Variants in RYR2 observed in about 807,000 individuals in gnomAD.
RYR2 encodes ryanodine receptor 2.
Under a neutral mutation model 601.1 loss-of-function variants are expected in RYR2, and 227 were observed. The ratio of observed to expected loss-of-function variants is 0.38; its 90% CI spans 0.34 to 0.42. RYR2 has a LOEUF of 0.42. RYR2 is among the 10% of genes least tolerant of loss of function. The probability of loss-of-function intolerance (pLI) is 1.00; values close to 1 mark genes in which losing one functional copy is unlikely to be tolerated. For synonymous variants in RYR2, 2,223 were observed against 2,175.1 expected, an observed-to-expected ratio of 1.02 and a Z score of -0.61; for missense variants, 4,646 against 6,156.5, an observed-to-expected ratio of 0.75 and a Z score of 8.21.
chr1:237,672,955 G>C (rs975257233), intron 58 of RYR2, among the ~76,000 whole-genome samples: 1 of 152,144 alleles, frequency 6.6e-6, no homozygotes, highest in Non-Finnish European at 1.5e-5. Flanking sequence ...TTGCATGTCT[G>C]TAGATGGCGC....
chr1:237,618,471 G>T (rs940799152), intron 38 of RYR2, among the ~76,000 whole-genome samples: 14 of 152,146 alleles, frequency 9.2e-5, no homozygotes, highest in African/African-American at 3.4e-4. Context: ...CAGAACTCAG[G>T]ACCCAAGGAA....
chr1:237,195,285 C>T (rs908758032), intron 1 of RYR2, among the ~76,000 whole-genome samples: 1 of 152,154 alleles, frequency 6.6e-6, no homozygotes, highest in African/African-American at 2.4e-5. Flanking sequence ...TAACCAGTCG[C>T]TCGTGTTGCC....
intron 10 of RYR2, among the ~76,000 whole-genome samples, chr1:237,410,821 G>C (rs1261448887): frequency 1.3e-5 from 2 of 152,118 alleles, no homozygotes; most frequent in Admixed American, 1.3e-4. Context: ...CAAAGCAGGT[G>C]ACTTCAGAAG....
At chr1:237,681,906 C>T (rs1415551889) in intron 62 of RYR2, among the ~76,000 whole-genome samples, 3 of 152,202 alleles carry the variant, frequency 2.0e-5, no homozygotes, top group African/African-American at 4.8e-5. Flanking sequence ...GTTGAAGTCT[C>T]CTACTCCTCC....
chr1:237,546,989 ATATATATT>A (rs1311413259), intron 25 of RYR2, among the ~76,000 whole-genome samples: 1 of 132,938 alleles, frequency 7.5e-6, no homozygotes, highest in Non-Finnish European at 1.6e-5. Context: ...ATATATATAT[ATATATATT>A]TATTTATTTA....
Position 237,505,776 on chromosome 1 carries a change from C to T in RYR2, c.2614-934C>T, listed in dbSNP as rs190648993. 1.9e-3 allele frequency among the ~76,000 whole-genome samples: 288 copies of T among 152,246 alleles called. 3 individuals carry two copies. The highest frequency in any genetic ancestry group is 6.6e-3 in the African/African-American group (275 of 41,562). On this transcript the variant is annotated intron_variant, in intron 22 of 104. Transcript: ENST00000366574. ...GGTCATTTGCCCACTCTATGTGTTG[C>T]GAGACTAGCTGTGGGGTCACACAGA...
chr1:237,832,160 C>G (rs1663870669), intron 104 of RYR2, among the ~76,000 whole-genome samples: 1 of 151,898 alleles, frequency 6.6e-6, no homozygotes, highest in Non-Finnish European at 1.5e-5. Flanking sequence ...TGTTTCAGCC[C>G]CACAAGTACC....
In RYR2 at chr1:237,517,718, C is replaced by T. The variant is rs566178864; in HGVS notation, c.2822+5927C>T. On this transcript the variant is annotated intron_variant, in intron 24 of 104. Transcript: ENST00000366574. ...GAAAGATACAGAGACTTTTCTTATG[C>T]CCCCTGTTTCCACAGGCAACTGCCC... Among the ~76,000 whole-genome samples, 18 of 152,206 alleles carry T rather than the reference C, an allele frequency of 1.2e-4. No individual in the cohort carries two copies. In the South Asian group the frequency reaches 3.5e-3, roughly 30 times the overall value.
intron 5 of RYR2, among the ~76,000 whole-genome samples, chr1:237,367,069 A>T (rs1211731134): frequency 6.6e-6 from 1 of 151,256 alleles, no homozygotes. Context: ...GAAAAAAGTG[A>T]CTGTTTTGTT....
chr1:237,272,635 G>A (rs1258685894), intron 2 of RYR2, among the ~76,000 whole-genome samples: 3 of 148,946 alleles, frequency 2.0e-5, no homozygotes, highest in Non-Finnish European at 3.0e-5. Flanking sequence ...TGTATATATT[G>A]TTTTATATAT....
intron 2 of RYR2, among the ~76,000 whole-genome samples, chr1:237,286,143 A>T (rs1277066273): frequency 6.6e-6 from 1 of 151,858 alleles, no homozygotes; most frequent in East Asian, 1.9e-4. Flanking sequence ...AATATTTTTG[A>T]TATAGACATT....
chr1:237,654,508 T>G, intron 52 of RYR2, 94 bp downstream of exon 52: 1 of 1,285,468 alleles, frequency 7.8e-7, no homozygotes, highest in Non-Finnish European at 1.1e-6. Flanking sequence ...AATACTATCT[T>G]TGCTAACCAA....
rs537490651 is a variant in RYR2 at position 237,763,571 on chromosome 1, A to G, written c.11476+2543A>G. Among the ~76,000 whole-genome samples, 4 of 152,360 alleles carry G rather than the reference A, an allele frequency of 2.6e-5. No individual in the cohort carries two copies. The South Asian group carries it at 6.2e-4, about 24-fold the overall frequency. On this transcript the variant is annotated intron_variant, in intron 84 of 104. Coordinates refer to ENST00000366574, the MANE Select transcript of RYR2 (RefSeq NM_001035.3). ...AACTATTTGCTCCTCAAACTAATAT[A>G]CTAGCAAAGATGCCATTAGTAATTC...
At chr1:237,521,333 A>C (rs965803933) in intron 24 of RYR2, among the ~76,000 whole-genome samples, 1 of 152,184 alleles carries the variant, frequency 6.6e-6, no homozygotes, top group African/African-American at 2.4e-5. Flanking sequence ...ATGCAATAGC[A>C]CCTCTAGCTA....
intron 1 of RYR2, among the ~76,000 whole-genome samples, chr1:237,139,802 C>T (rs1192149592): frequency 6.6e-6 from 1 of 152,216 alleles, no homozygotes. Flanking sequence ...GCGCAAAACA[C>T]TAACAGATTC....
chr1:237,527,405 T>C (rs561059603), intron 24 of RYR2, among the ~76,000 whole-genome samples: 2 of 152,340 alleles, frequency 1.3e-5, no homozygotes, highest in South Asian at 2.1e-4. Flanking sequence ...CCCAGCCAAG[T>C]TGATACATAA....
chr1:237,441,064 G>A (rs1170744069), intron 12 of RYR2, among the ~76,000 whole-genome samples: 1 of 151,916 alleles, frequency 6.6e-6, no homozygotes, highest in African/African-American at 2.4e-5. Flanking sequence ...TAAGATCTCT[G>A]GTTTGGAGTT....
At chr1:237,451,799 A>G (rs1017766038) in intron 14 of RYR2, among the ~76,000 whole-genome samples, 2 of 152,084 alleles carry the variant, frequency 1.3e-5, no homozygotes, top group African/African-American at 4.8e-5. Context: ...TTTTTTTACT[A>G]TTAATTTTAT....
chr1:237,157,489 G>A (rs971899858), intron 1 of RYR2, among the ~76,000 whole-genome samples: 2 of 152,054 alleles, frequency 1.3e-5, no homozygotes, highest in African/African-American at 4.8e-5. Flanking sequence ...CAGTCTAAGT[G>A]TCCATCAATG....
Sources: gnomAD v4.1 joint callset for allele counts (sites outside exome capture counted in the v4.1 genomes callset) on GRCh38, gnomAD v4.1.1 for gene constraint, MANE v1.5 for transcripts, NCBI Gene and HGNC (gene_info 2026-07-23, HGNC 2026-07-21) for gene names.